Variants in TNKS observed in about 807,000 individuals in gnomAD.
TNKS encodes the protein tankyrase, also known as poly [ADP-ribose] polymerase tankyrase-1.
TNKS carries 72 observed loss-of-function variants against 135.8 expected under a neutral mutation model. The observed-to-expected ratio is 0.53, with a 90% confidence interval of 0.44 to 0.64. The LOEUF is 0.64. Ranked by LOEUF, TNKS falls within the 30% of genes least tolerant of loss-of-function variation. TNKS has a pLI of 0.00. For missense variants in TNKS, 1,769 were observed against 1,674.0 expected (o/e 1.06, Z -0.99); for synonymous variants, 849 against 649.3 (o/e 1.31, Z -4.68).
At chr8:9,768,094 T>G (rs1419415257) in intron 25 of TNKS, among the ~76,000 whole-genome samples, 1 of 151,718 alleles carries the variant, frequency 6.6e-6, no homozygotes, top group East Asian at 1.9e-4. Context: ...AAATAAGCAA[T>G]AAAAGTGAAC....
chr8:9,728,341 A>T (rs1805258995), intron 13 of TNKS, among the ~76,000 whole-genome samples: 1 of 152,206 alleles, frequency 6.6e-6, no homozygotes, highest in Admixed American at 6.5e-5. Flanking sequence ...AATTGTGAAA[A>T]GTAAGTAGGA....
rs1169823588 is a variant in TNKS, at chr8:9,692,975, C to G, written c.1108-11688C>G. ...TAAATATCACTCTCTCAAAGAGCTA[C>G]TAAGCTCGTTGCTTCTTAGTTTCTT... On this transcript the variant is annotated intron_variant, in intron 5 of 26. Transcript: ENST00000310430. Among the ~76,000 whole-genome samples the G allele has an allele frequency of 2.6e-5, 4 of 152,208 alleles. No homozygotes were observed. In the East Asian group the frequency reaches 5.8e-4, roughly 22 times the overall value.
At chr8:9,655,352 T>C (rs1801313978) in intron 3 of TNKS, among the ~76,000 whole-genome samples, 1 of 152,176 alleles carries the variant, frequency 6.6e-6, no homozygotes, top group South Asian at 2.1e-4. Context: ...CAGAAACCCC[T>C]GCAGACTTAA....
Position 9,748,300 on chromosome 8 carries a change from C to T in TNKS, c.2832+88C>T, listed in dbSNP as rs185211544. On this transcript the variant is annotated intron_variant, in intron 18 of 26. Transcript: ENST00000310430. The stretch of plus-strand genomic sequence containing the variant: ...TCGGGTTCACCAGCTTACTTTTAGT[C>T]GTGTTTATTTCACTTAGAACAGAGA... 2.4e-4 allele frequency: 279 copies of T among 1,171,640 alleles called. 2 individuals carry two copies. In the African/African-American group the frequency reaches 4.0e-3, roughly 17 times the overall value. The allele number at this position is 1,171,640 out of a possible 1,614,324, so 72.6% of individuals were successfully genotyped here.
chr8:9,735,318 G>A (rs923809654), intron 16 of TNKS, 59 bp from the exon 17 acceptor site: 2 of 1,450,156 alleles, frequency 1.4e-6, no homozygotes, highest in African/African-American at 2.8e-5. Flanking sequence ...TATTACATAT[G>A]TATGTATTTT....
At chr8:9,590,522 T>A (rs1298564736) in intron 2 of TNKS, among the ~76,000 whole-genome samples, 1 of 152,230 alleles carries the variant, frequency 6.6e-6, no homozygotes, top group Non-Finnish European at 1.5e-5. Flanking sequence ...TTCCCAACTT[T>A]GTGCCTTAAT....
chr8:9,558,592 G>C (rs1436780915), intron 1 of TNKS: 2 of 152,022 alleles, frequency 1.3e-5, no homozygotes, highest in African/African-American at 4.8e-5. Context: ...ATGTATTTAG[G>C]ATAAGTCACA....
chr8:9,669,848 G>A (rs1802188389), intron 3 of TNKS, among the ~76,000 whole-genome samples: 1 of 151,970 alleles, frequency 6.6e-6, no homozygotes. Context: ...AGTTTCAGAC[G>A]TTTTAAAGAA....
chr8:9,698,114 G>A (rs1160846104), intron 5 of TNKS, among the ~76,000 whole-genome samples: 1 of 152,116 alleles, frequency 6.6e-6, no homozygotes, highest in Non-Finnish European at 1.5e-5. Context: ...TATGAATGGA[G>A]CCAGAGGCCA....
At chr8:9,632,980 C>T (rs1433215001) in intron 3 of TNKS, among the ~76,000 whole-genome samples, 1 of 152,186 alleles carries the variant, frequency 6.6e-6, no homozygotes, top group African/African-American at 2.4e-5. Flanking sequence ...CTGCCCGCCT[C>T]GGCCACCCAA....
At position 9,720,527 on chromosome 8, in the gene TNKS, G is replaced by A. The variant is rs762467645; in HGVS notation, c.1903G>A (p.Val635Met). The A allele has an allele frequency of 1.9e-6, 3 of 1,613,314 alleles. No homozygotes were observed. The highest frequency in any genetic ancestry group is 2.5e-6 in the Non-Finnish European group (3 of 1,179,704). ...FTAAQMGNEA[V>M]QQILSESTPI... Reference sequence around the variant, plus strand: ...AGCAGCACAGATGGGCAATGAAGCAGTGCAGCAGATTCTGAGTGGTGAGTT... The same window carrying A: ...AGCAGCACAGATGGGCAATGAAGCAATGCAGCAGATTCTGAGTGGTGAGTT... Residue 635 changes from valine (V) to methionine (M), a missense_variant, in exon 12 of 27, where the codon GTG (valine) becomes ATG (methionine). Val to Met is a conservative substitution (Grantham distance 21, BLOSUM62 1). Transcript: ENST00000310430.
intron 1 of TNKS, among the ~76,000 whole-genome samples, chr8:9,565,798 A>G (rs1007560241): frequency 6.6e-6 from 1 of 152,146 alleles, no homozygotes; most frequent in Non-Finnish European, 1.5e-5. Context: ...CAGAGCTTGC[A>G]GTGAGCCGAG....
intron 2 of TNKS, among the ~76,000 whole-genome samples, chr8:9,584,398 G>C (rs995736036): frequency 6.6e-6 from 1 of 152,074 alleles, no homozygotes; most frequent in African/African-American, 2.4e-5. Flanking sequence ...TGTAAATGTA[G>C]AATTTTGAAT....
At chr8:9,562,617 A>G (rs1797380074) in intron 1 of TNKS, among the ~76,000 whole-genome samples, 1 of 152,170 alleles carries the variant, frequency 6.6e-6, no homozygotes, top group Non-Finnish European at 1.5e-5. Context: ...CATTCTGACA[A>G]TCTGTGTCTT....
intron 26 of TNKS, chr8:9,772,332 C>G: frequency 2.2e-6 from 1 of 451,454 alleles, no homozygotes; most frequent in South Asian, 1.6e-5. Context: ...ATCAACATCA[C>G]CAATGAGGGA....
intron 17 of TNKS, among the ~76,000 whole-genome samples, chr8:9,746,968 C>T (rs967820426): frequency 8.6e-5 from 13 of 150,382 alleles, no homozygotes; most frequent in Non-Finnish European, 1.2e-4. Flanking sequence ...CTGCAACCTC[C>T]GCCTTTTGGG....
In TNKS at chr8:9,777,892, A is replaced by T. The variant is rs895374630; in HGVS notation, c.*1156A>T. ...TGGATAGATACACACAAATGCAAGG[A>T]CTTTTTTGTTTACTCCAGATTTGGG... On this transcript the variant is annotated 3_prime_UTR_variant, in exon 27 of 27. Coordinates refer to ENST00000310430, the MANE Select transcript of TNKS (RefSeq NM_003747.3). The T allele has an allele frequency of 6.5e-6, 1 of 152,718 alleles. No homozygotes were observed. The highest frequency in any genetic ancestry group is 1.9e-4 in the East Asian group (1 of 5,182). 9.5% of individuals were successfully genotyped at this position (152,718 alleles called of 1,614,324 possible). A position where few individuals can be genotyped will look rare whatever the true frequency, so the allele number is the denominator to read the frequency against.
intron 17 of TNKS, among the ~76,000 whole-genome samples, chr8:9,742,775 C>T (rs1164949662): frequency 1.4e-5 from 2 of 147,920 alleles, no homozygotes; most frequent in Admixed American, 6.8e-5. Flanking sequence ...ATTAGTACTC[C>T]TTAAATATAT....
In TNKS at chr8:9,643,505, G is replaced by A. The variant is rs759324756; in HGVS notation, c.994+27828G>A. On this transcript the variant is annotated intron_variant, in intron 3 of 26. Coordinates refer to ENST00000310430, the MANE Select transcript of TNKS (RefSeq NM_003747.3). The stretch of plus-strand genomic sequence containing the variant: ...GACCTAATCACCTCTTAAAGGTCCC[G>A]CCTCTCAAAACTATTGCATTGGGGA... Among the ~76,000 whole-genome samples the A allele has an allele frequency of 1.8e-4, 27 of 152,068 alleles. 1 individual carries two copies. Among genetic ancestry groups the A allele is most frequent in the Admixed American group, 4.6e-4 (7 of 15,244 alleles).
Sources: gnomAD v4.1 joint callset for allele counts (sites outside exome capture counted in the v4.1 genomes callset) on GRCh38, gnomAD v4.1.1 for gene constraint, MANE v1.5 for transcripts, NCBI Gene and HGNC (gene_info 2026-07-23, HGNC 2026-07-21) for gene names.